Variants in ARHGAP26 observed in about 807,000 individuals in gnomAD.
The protein encoded by ARHGAP26 is rho GTPase-activating protein 26.
Under a neutral mutation model 104.8 loss-of-function variants are expected in ARHGAP26, and 38 were observed. The ratio of observed to expected loss-of-function variants is 0.36; its 90% CI spans 0.28 to 0.48. The LOEUF is 0.48. ARHGAP26 is among the 20% of genes least tolerant of loss of function. ARHGAP26 has a pLI of 0.99. For synonymous variants in ARHGAP26, 341 were observed against 340.0 expected, an observed-to-expected ratio of 1.00 and a Z score of -0.03; for missense variants, 704 against 947.9, an observed-to-expected ratio of 0.74 and a Z score of 3.38.
At chr5:142,876,518 G>T (rs2152374046) in intron 3 of ARHGAP26, among the ~76,000 whole-genome samples, 1 of 152,190 alleles carries the variant, frequency 6.6e-6, no homozygotes, top group Admixed American at 6.5e-5. Context: ...GCTCATGCCT[G>T]TAATCCCAGC....
chr5:143,228,207 A>G lies in ARHGAP26; in HGVS notation c.*5761A>G, dbSNP rs551282250. On this transcript the variant is annotated 3_prime_UTR_variant, in exon 23 of 23. Transcript: ENST00000645722. ...GCCAGAATCAACCTTGTATCTGACA[A>G]TGCACATCTGTTGATTCTAAAGTAT... The G allele has an allele frequency of 8.9e-6, 2 of 225,064 alleles. No homozygotes were observed. The highest frequency in any genetic ancestry group is 1.1e-4 in the Admixed American group (2 of 17,546). The allele number at this position is 225,064 out of a possible 1,614,324, so 13.9% of individuals were successfully genotyped here.
chr5:143,207,517 G>A (rs761311442), intron 21 of ARHGAP26: 1 of 1,604,242 alleles, frequency 6.2e-7, no homozygotes, highest in Non-Finnish European at 8.5e-7. Context: ...TTTATCCAAA[G>A]CTGGCCAGGG....
At chr5:143,055,978 T>G in intron 15 of ARHGAP26, 50 bp from the exon 16 acceptor site, 1 of 1,349,200 alleles carries the variant, frequency 7.4e-7, no homozygotes, top group Non-Finnish European at 1.1e-6. Flanking sequence ...TTAGAGAGAA[T>G]ATGATTATTC....
intron 20 of ARHGAP26, among the ~76,000 whole-genome samples, chr5:143,180,619 A>T (rs1804194696): frequency 6.6e-6 from 1 of 152,166 alleles, no homozygotes; most frequent in Non-Finnish European, 1.5e-5. Context: ...GAACGAGAAG[A>T]GACATGTCTT....
At chr5:142,980,816 G>A (rs2152728717) in intron 11 of ARHGAP26, among the ~76,000 whole-genome samples, 1 of 152,294 alleles carries the variant, frequency 6.6e-6, no homozygotes, top group Middle Eastern at 3.4e-3. Context: ...ACATAGTCTT[G>A]CAAAGAGGTT....
chr5:143,050,690 C>T (rs982985207), intron 14 of ARHGAP26, among the ~76,000 whole-genome samples: 1 of 152,178 alleles, frequency 6.6e-6, no homozygotes, highest in African/African-American at 2.4e-5. Flanking sequence ...CTGGAGCCTA[C>T]TGGAGTAGGG....
In ARHGAP26 at chr5:143,228,741, A is replaced by G. The variant is rs578123667; in HGVS notation, c.*6295A>G. On this transcript the variant is annotated 3_prime_UTR_variant, in exon 23 of 23. Transcript: ENST00000645722. Reference sequence around the variant, plus strand: ...ACTGTTCTAAACTTCAGTATTGACTATTGACTCGTGCATAGAATCCAATGC... The same window carrying G: ...ACTGTTCTAAACTTCAGTATTGACTGTTGACTCGTGCATAGAATCCAATGC... 11 of 203,736 alleles carry G rather than the reference A, an allele frequency of 5.4e-5. No individual in the cohort carries two copies. Among genetic ancestry groups the G allele is most frequent in the African/African-American group, 2.3e-4 (10 of 43,856 alleles). The allele number at this position is 203,736 out of a possible 1,614,324, so 12.6% of individuals were successfully genotyped here.
chr5:142,834,286 C>T (rs1446661749), intron 1 of ARHGAP26, among the ~76,000 whole-genome samples: 1 of 152,214 alleles, frequency 6.6e-6, no homozygotes, highest in Non-Finnish European at 1.5e-5. Context: ...TGATTAGCAT[C>T]CTGGAAAGCT....
intron 14 of ARHGAP26, among the ~76,000 whole-genome samples, chr5:143,051,661 C>T (rs560951267): frequency 7.2e-5 from 11 of 152,262 alleles, no homozygotes; most frequent in African/African-American, 2.6e-4. Flanking sequence ...TGGATGTGCT[C>T]AAGTTATGAG....
intron 19 of ARHGAP26, 143 bp from the exon 20 acceptor site, chr5:143,147,088 A>T: frequency 1.9e-6 from 2 of 1,044,338 alleles, no homozygotes; most frequent in Non-Finnish European, 2.7e-6. Context: ...TTTAATTCTT[A>T]ACCTTTTCTA....
intron 14 of ARHGAP26, 114 bp downstream of exon 14, chr5:143,042,004 A>G (rs747775448): frequency 3.5e-6 from 3 of 848,094 alleles, no homozygotes; most frequent in Non-Finnish European, 5.8e-6. Context: ...GGTGTCCGTG[A>G]GCTGTCACCT....
In ARHGAP26 at chr5:143,052,973, C is replaced by T. The variant is rs1355675893; in HGVS notation, c.1286-1466C>T. On this transcript the variant is annotated intron_variant, in intron 14 of 22. Transcript: ENST00000645722. ...TAGATCTCTTTGCATTGTAAAAAGA[C>T]GGAAATCCTGACCTCACCTGGCTTA... Among the ~76,000 whole-genome samples the T allele has an allele frequency of 2.6e-5, 4 of 152,028 alleles. No homozygotes were observed. The East Asian group carries it at 5.8e-4, about 22-fold the overall frequency.
intron 20 of ARHGAP26, among the ~76,000 whole-genome samples, chr5:143,163,432 G>GGTTTGTTTGTTT (rs368136971): frequency 1.5e-3 from 227 of 150,718 alleles, no homozygotes; most frequent in African/African-American, 3.4e-3. Context: ...AGGAGTTCTA[G>GGTTTGTTTGTTT]GTTTGTTTGT....
intron 1 of ARHGAP26, among the ~76,000 whole-genome samples, chr5:142,778,423 T>C (rs535569070): frequency 6.6e-6 from 1 of 152,304 alleles, no homozygotes; most frequent in East Asian, 1.9e-4. Context: ...TGGTATGCAT[T>C]TTTTCTTGTC....
chr5:143,132,661 G>A (rs1403981545), intron 18 of ARHGAP26, among the ~76,000 whole-genome samples: 4 of 152,018 alleles, frequency 2.6e-5, no homozygotes, highest in Non-Finnish European at 5.9e-5. Flanking sequence ...TTCATACAAA[G>A]CATTTAACTT....
At chr5:143,008,706 G>A (rs934753004) in intron 11 of ARHGAP26, among the ~76,000 whole-genome samples, 2 of 152,214 alleles carry the variant, frequency 1.3e-5, no homozygotes, top group African/African-American at 2.4e-5. Context: ...ATGCAGCTGT[G>A]TGTGAAAGGG....
At chr5:143,215,873 G>A (rs763529965) in intron 22 of ARHGAP26, among the ~76,000 whole-genome samples, 28 of 152,188 alleles carry the variant, frequency 1.8e-4, no homozygotes, top group Admixed American at 2.6e-4. Flanking sequence ...AGATGGGCAC[G>A]TTGTTTCCTC....
chr5:142,817,794 G>T (rs137964086), intron 1 of ARHGAP26, among the ~76,000 whole-genome samples: 32 of 152,270 alleles, frequency 2.1e-4, no homozygotes, highest in African/African-American at 7.7e-4. Context: ...GAGAGTGGTT[G>T]TATCAGCATT....
intron 1 of ARHGAP26, among the ~76,000 whole-genome samples, chr5:142,775,535 G>A (rs1194236374): frequency 6.6e-6 from 1 of 152,070 alleles, no homozygotes; most frequent in Non-Finnish European, 1.5e-5. Context: ...ATAATGCAGT[G>A]GTTTTCAGCA....
Sources: gnomAD v4.1 joint callset for allele counts (sites outside exome capture counted in the v4.1 genomes callset) on GRCh38, gnomAD v4.1.1 for gene constraint, MANE v1.5 for transcripts, NCBI Gene and HGNC (gene_info 2026-07-23, HGNC 2026-07-21) for gene names.